THSD7B: variants seen among roughly 807,000 people sequenced by gnomAD.
The protein encoded by THSD7B is thrombospondin type 1 domain containing 7B.
Under a neutral mutation model 213.6 loss-of-function variants are expected in THSD7B, and 138 were observed. The observed-to-expected ratio is 0.65, with a 90% confidence interval of 0.56 to 0.74. THSD7B has a LOEUF of 0.74. Ranked by LOEUF, THSD7B falls within the 30% of genes least tolerant of loss-of-function variation. THSD7B has a pLI of 0.00. For missense variants in THSD7B, 1,931 were observed against 1,991.5 expected (o/e 0.97, Z 0.58); for synonymous variants, 742 against 687.0 (o/e 1.08, Z -1.25).
chr2:137,416,561 C>A (rs1275246860), intron 14 of THSD7B, among the ~76,000 whole-genome samples: 11 of 152,172 alleles, frequency 7.2e-5, no homozygotes, highest in Non-Finnish European at 2.9e-5. Flanking sequence ...ATTTCTCCAT[C>A]CCCAATACCT....
At chr2:137,412,399 A>G (rs1351091357) in intron 14 of THSD7B, among the ~76,000 whole-genome samples, 5 of 151,830 alleles carry the variant, frequency 3.3e-5, no homozygotes, top group Non-Finnish European at 5.9e-5. Context: ...TCAGGAGTTT[A>G]AGACCAGCCT....
Position 137,335,026 on chromosome 2 carries a change from C to T in THSD7B, c.2500+59000C>T, listed in dbSNP as rs181873285. On this transcript the variant is annotated intron_variant, in intron 12 of 27. Transcript: ENST00000409968. The stretch of plus-strand genomic sequence containing the variant: ...TTGTAAGTTTCCTGAGGCCTCCCAG[C>T]AATGTGGAACTATAAGTCAATTAAA... Among the ~76,000 whole-genome samples, 4 of 152,252 alleles carry T rather than the reference C, an allele frequency of 2.6e-5. No individual in the cohort carries two copies. In the East Asian group the frequency reaches 7.7e-4, roughly 29 times the overall value.
intron 27 of THSD7B, among the ~76,000 whole-genome samples, chr2:137,669,669 G>T (rs1683521533): frequency 6.6e-6 from 1 of 152,058 alleles, no homozygotes; most frequent in South Asian, 2.1e-4. Flanking sequence ...GGCCAACCCA[G>T]TGTAAGGTAA....
intron 2 of THSD7B, among the ~76,000 whole-genome samples, chr2:136,965,600 A>C (rs1436198960): frequency 6.6e-6 from 1 of 152,162 alleles, no homozygotes; most frequent in East Asian, 1.9e-4. Flanking sequence ...TTTATTTGTC[A>C]ATGGCATTTC....
At chr2:136,816,437 T>G (rs1682475448) in intron 1 of THSD7B, among the ~76,000 whole-genome samples, 1 of 152,246 alleles carries the variant, frequency 6.6e-6, no homozygotes, top group Non-Finnish European at 1.5e-5. Flanking sequence ...TTTAAGGCTT[T>G]TTTATATTTT....
At chr2:137,017,559 T>A (rs1352463070) in intron 2 of THSD7B, among the ~76,000 whole-genome samples, 1 of 152,018 alleles carries the variant, frequency 6.6e-6, no homozygotes, top group Non-Finnish European at 1.5e-5. Context: ...GGGATGATAT[T>A]TGGGTTGGAA....
intron 7 of THSD7B, among the ~76,000 whole-genome samples, chr2:137,172,643 C>G (rs957830770): frequency 2.6e-5 from 4 of 152,032 alleles, no homozygotes; most frequent in African/African-American, 9.7e-5. Flanking sequence ...AAAATGTTTC[C>G]CTGAGTTCTG....
intron 4 of THSD7B, among the ~76,000 whole-genome samples, chr2:137,097,895 T>C (rs1286755224): frequency 1.3e-5 from 2 of 152,016 alleles, no homozygotes; most frequent in African/African-American, 4.8e-5. Context: ...GGGAGAATAA[T>C]GTAACTAATG....
chr2:136,770,408 A>C (rs1157726327), intron 1 of THSD7B, among the ~76,000 whole-genome samples: 1 of 152,210 alleles, frequency 6.6e-6, no homozygotes, highest in Non-Finnish European at 1.5e-5. Context: ...ACATGAATAC[A>C]GCCTTACTGG....
intron 2 of THSD7B, among the ~76,000 whole-genome samples, chr2:137,045,605 T>A (rs1298973222): frequency 1.3e-5 from 2 of 152,264 alleles, no homozygotes; most frequent in African/African-American, 4.8e-5. Context: ...TAGGAACTAC[T>A]GTAGTAAGCT....
chr2:136,965,050 C>G (rs1376822315), intron 2 of THSD7B, among the ~76,000 whole-genome samples: 1 of 149,838 alleles, frequency 6.7e-6, no homozygotes, highest in Non-Finnish European at 1.5e-5. Context: ...TACCAGCTGT[C>G]TGTATTGTCT....
At chr2:137,199,174 CAGT>C (rs1680826713) in intron 7 of THSD7B, among the ~76,000 whole-genome samples, 1 of 152,154 alleles carries the variant, frequency 6.6e-6, no homozygotes, top group Admixed American at 6.6e-5. Context: ...TCTTCACTGA[CAGT>C]GGTGAACAAC....
At chr2:137,206,367 G>A (rs535905911) in intron 7 of THSD7B, among the ~76,000 whole-genome samples, 6 of 152,146 alleles carry the variant, frequency 3.9e-5, no homozygotes, top group East Asian at 1.9e-4. Context: ...TATGATTAAT[G>A]AGGAAGAAAG....
At chr2:137,167,789 C>T (rs1021658141) in intron 6 of THSD7B, among the ~76,000 whole-genome samples, 10 of 152,162 alleles carry the variant, frequency 6.6e-5, no homozygotes, top group Admixed American at 5.2e-4. Context: ...TTGATTATGG[C>T]TCTCCCCTGC....
intron 15 of THSD7B, among the ~76,000 whole-genome samples, chr2:137,539,458 C>A (rs1296165089): frequency 2.0e-5 from 3 of 151,594 alleles, no homozygotes; most frequent in Non-Finnish European, 4.4e-5. Flanking sequence ...TAATGTCATA[C>A]CTTCTGTTAT....
At chr2:137,491,756 C>A (rs1403662916) in intron 15 of THSD7B, among the ~76,000 whole-genome samples, 1 of 152,146 alleles carries the variant, frequency 6.6e-6, no homozygotes, top group Non-Finnish European at 1.5e-5. Flanking sequence ...GTCTTCCCCA[C>A]TATTAGTGTC....
intron 15 of THSD7B, among the ~76,000 whole-genome samples, chr2:137,470,832 TTA>T (rs1436578358): frequency 6.6e-6 from 1 of 152,152 alleles, no homozygotes; most frequent in Non-Finnish European, 1.5e-5. Flanking sequence ...TCTATAGTCT[TTA>T]GACAGAGTAT....
intron 1 of THSD7B, among the ~76,000 whole-genome samples, chr2:136,816,213 A>G (rs1223671257): frequency 6.6e-6 from 1 of 152,180 alleles, no homozygotes; most frequent in Non-Finnish European, 1.5e-5. Flanking sequence ...TATTATTGGA[A>G]CATGAAGAAA....
At chr2:137,389,003 A>G (rs1678834304) in intron 12 of THSD7B, among the ~76,000 whole-genome samples, 1 of 151,814 alleles carries the variant, frequency 6.6e-6, no homozygotes, top group Non-Finnish European at 1.5e-5. Context: ...TGGAGGTGAT[A>G]TACTGATTTT....
Sources: gnomAD v4.1 joint callset for allele counts (sites outside exome capture counted in the v4.1 genomes callset) on GRCh38, gnomAD v4.1.1 for gene constraint, MANE v1.5 for transcripts, NCBI Gene and HGNC (gene_info 2026-07-23, HGNC 2026-07-21) for gene names.